SS18L1: variants seen among roughly 807,000 people sequenced by gnomAD.
SS18L1 encodes calcium-responsive transactivator.
Under a neutral mutation model 70.3 loss-of-function variants are expected in SS18L1, and 32 were observed. The ratio of observed to expected loss-of-function variants is 0.46; its 90% CI spans 0.34 to 0.61. The LOEUF is 0.61. Among genes scored for constraint, SS18L1 ranks in the 20% least tolerant of loss-of-function variants. SS18L1 has a pLI of 0.01. For missense variants in SS18L1, 430 were observed against 542.1 expected (o/e 0.79, Z 2.05); for synonymous variants, 237 against 229.7 (o/e 1.03, Z -0.29).
chr20:62,165,638 C>A (rs147311794), intron 8 of SS18L1, 124 bp downstream of exon 8: 3 of 891,300 alleles, frequency 3.4e-6, no homozygotes, highest in Non-Finnish European at 5.2e-6. Context: ...CAGCACAGCG[C>A]GTGGGAGGAG....
Position 62,161,653 on chromosome 20 carries a change from A to C in SS18L1, c.376+73A>C, listed in dbSNP as rs2057332645. On this transcript the variant is annotated intron_variant, in intron 4 of 10. Transcript: ENST00000331758. This position sits in a 1 kb window ranked among gnomAD's most constrained non-coding sequence, Gnocchi z 4.4. Reference sequence around the variant, plus strand: ...GGCAGCCCTTGGGCAGCCGGCTGCCATGGTGGGGCACCCCACCCCTCACAG... The same window carrying C: ...GGCAGCCCTTGGGCAGCCGGCTGCCCTGGTGGGGCACCCCACCCCTCACAG... 2 of 1,538,880 alleles carry C rather than the reference A, an allele frequency of 1.3e-6. No individual in the cohort carries two copies. The highest frequency in any genetic ancestry group is 1.8e-6 in the Non-Finnish European group (2 of 1,137,438).
intron 8 of SS18L1, among the ~76,000 whole-genome samples, chr20:62,168,865 G>A (rs1471533258): frequency 2.0e-5 from 3 of 152,228 alleles, no homozygotes; most frequent in African/African-American, 7.2e-5. Flanking sequence ...CAGGATGAGT[G>A]GGACAGGCTG....
chr20:62,173,038 C>A (rs2057560956), intron 9 of SS18L1, among the ~76,000 whole-genome samples: 1 of 152,236 alleles, frequency 6.6e-6, no homozygotes, highest in Non-Finnish European at 1.5e-5. Context: ...ATTTTGAATA[C>A]CTTTAGGTTT....
chr20:62,151,860 G>A (rs2427265), intron 1 of SS18L1, among the ~76,000 whole-genome samples: 9,508 of 105,206 alleles, frequency 0.09, 1,336 homozygotes, highest in African/African-American at 0.34. Flanking sequence ...CTCTTTTCCC[G>A]CTCCCCAGAG....
At chr20:62,145,560 C>T (rs556581228) in intron 1 of SS18L1, among the ~76,000 whole-genome samples, 2 of 152,344 alleles carry the variant, frequency 1.3e-5, no homozygotes, top group African/African-American at 4.8e-5. Flanking sequence ...ATTATTTGCA[C>T]TTCGCACACA....
intron 5 of SS18L1, 43 bp downstream of exon 5, chr20:62,162,974 C>T (rs765555783): frequency 2.5e-6 from 4 of 1,595,898 alleles, no homozygotes; most frequent in Non-Finnish European, 3.4e-6. Context: ...CTGGGCCTGC[C>T]TCCAAGACCC....
rs780839794 is a variant in SS18L1, at chr20:62,165,515, G to T, written c.916+1G>T. On this transcript the variant is annotated splice_donor_variant, in intron 8 of 10. Transcript: ENST00000331758. LOFTEE classifies it high-confidence loss of function. ...TCCACGCAGCACTACTATGAGGGGG[G>T]TAAGGAGCACGGCTGCGTGCTGGGC... is the stretch of plus-strand genomic sequence containing the variant. The T allele has an allele frequency of 1.2e-6, 2 of 1,610,802 alleles. No homozygotes were observed. The highest frequency in any genetic ancestry group is 8.5e-7 in the Non-Finnish European group (1 of 1,178,880).
rs1250191968 is a variant in SS18L1, at chr20:62,179,300, G to C, written c.*92G>C. 4 of 1,469,084 alleles carry C rather than the reference G, an allele frequency of 2.7e-6. No individual in the cohort carries two copies. Among genetic ancestry groups the C allele is most frequent in the Admixed American group, 1.7e-5 (1 of 59,194 alleles). The allele number at this position is 1,469,084 out of a possible 1,614,324, so 91.0% of individuals were successfully genotyped here. On this transcript the variant is annotated 3_prime_UTR_variant, in exon 11 of 11. Coordinates refer to ENST00000331758, the MANE Select transcript of SS18L1 (RefSeq NM_198935.3). Reference sequence around the variant, plus strand: ...CAGCTCTGGTGAATTGTGACATGTTGGTTACCTGTTCGCCCAGTGCCACGT... The same window carrying C: ...CAGCTCTGGTGAATTGTGACATGTTCGTTACCTGTTCGCCCAGTGCCACGT...
Position 62,155,477 on chromosome 20 carries a change from G to C in SS18L1, c.70-3195G>C, listed in dbSNP as rs971824487. Among the ~76,000 whole-genome samples the C allele has an allele frequency of 2.6e-5, 4 of 152,366 alleles. 1 individual carries two copies. Among genetic ancestry groups the C allele is most frequent in the Admixed American group, 2.6e-4 (4 of 15,300 alleles). On this transcript the variant is annotated intron_variant, in intron 1 of 10. Coordinates refer to ENST00000331758, the MANE Select transcript of SS18L1 (RefSeq NM_198935.3). ...CCTTCATCTTTGGATTTTGGCCTCT[G>C]TGGCTGGTTTTGGCCTTTGTCTTTC...
intron 1 of SS18L1, among the ~76,000 whole-genome samples, chr20:62,150,338 C>CGAT (rs147862159): frequency 0.013 from 1,946 of 152,318 alleles, 48 homozygotes; most frequent in African/African-American, 0.044. Context: ...GATGGGTCAG[C>CGAT]GATGTCTGCC....
At position 62,181,909 on chromosome 20, in the gene SS18L1, C is replaced by T. The variant is rs1204008711; in HGVS notation, c.*2701C>T. ...GAAGACATGAAAATTGACGCTCATT[C>T]TTCTTCCTATTGTTCCCTGACATCC... On this transcript the variant is annotated 3_prime_UTR_variant, in exon 11 of 11. Coordinates refer to ENST00000331758, the MANE Select transcript of SS18L1 (RefSeq NM_198935.3). 1 of 228,630 alleles carries T rather than the reference C, an allele frequency of 4.4e-6. No individual in the cohort carries two copies. Among genetic ancestry groups the T allele is most frequent in the Non-Finnish European group, 8.7e-6 (1 of 115,222 alleles). The allele number at this position is 228,630 out of a possible 1,614,324, so 14.2% of individuals were successfully genotyped here.
chr20:62,154,506 C>T (rs1426108536), intron 1 of SS18L1: 1 of 1,018,874 alleles, frequency 9.8e-7, no homozygotes, highest in Non-Finnish European at 1.2e-6. Context: ...CAGGCCAGGC[C>T]ATCGGCCCCC....
At chr20:62,157,355 G>A (rs966809606) in intron 1 of SS18L1, among the ~76,000 whole-genome samples, 11 of 152,244 alleles carry the variant, frequency 7.2e-5, no homozygotes, top group Non-Finnish European at 1.5e-4. Flanking sequence ...TTCAGGAGGC[G>A]CTTTGGGAAG....
At chr20:62,157,894 T>A (rs1001192831) in intron 1 of SS18L1, among the ~76,000 whole-genome samples, 1 of 146,140 alleles carries the variant, frequency 6.8e-6, no homozygotes, top group Non-Finnish European at 1.5e-5. Context: ...GTGTGTGGTT[T>A]CTTCTACCGG....
Position 62,172,782 on chromosome 20 carries a change from C to T in SS18L1, c.1017C>T (p.Pro339=), listed in dbSNP as rs767019226. The change falls in exon 9 of 11, where the codon CCC becomes CCT. Residue 339 remains proline (P), a synonymous_variant. Coordinates refer to ENST00000331758, the MANE Select transcript of SS18L1 (RefSeq NM_198935.3). ...QQQYPSQQSY[P]GQQQGYGSAQ... ...AGTACCCCAGCCAGCAGAGCTACCC[C>T]GGGCAGCAGCAGGGCTACGGTAAGA... The T allele has an allele frequency of 5.0e-6, 8 of 1,613,334 alleles. No homozygotes were observed. The East Asian group carries it at 8.9e-5, about 18-fold the overall frequency.
At chr20:62,172,203 T>C in intron 8 of SS18L1, among the ~76,000 whole-genome samples, 1 of 151,660 alleles carries the variant, frequency 6.6e-6, no homozygotes. Context: ...TGGCACACAC[T>C]GTAGTCCTAG....
intron 1 of SS18L1, among the ~76,000 whole-genome samples, chr20:62,147,590 C>T (rs779089092): frequency 1.3e-5 from 2 of 152,076 alleles, no homozygotes; most frequent in Non-Finnish European, 2.9e-5. Context: ...TTTCCTTGGC[C>T]GGATAATAGC....
Position 62,163,508 on chromosome 20 carries a change from G to A in SS18L1, c.607G>A (p.Gly203Ser). 1 of 1,612,140 alleles carries A rather than the reference G, an allele frequency of 6.2e-7. No homozygotes were observed. Among genetic ancestry groups the A allele is most frequent in the Non-Finnish European group, 8.5e-7 (1 of 1,179,856 alleles). The change falls in exon 6 of 11, where the codon GGC becomes AGC. Residue 203 changes from glycine (G) to serine (S), a missense_variant. By Grantham distance (56) the Gly-to-Ser change is moderately conservative. Coordinates refer to ENST00000331758, the MANE Select transcript of SS18L1 (RefSeq NM_198935.3). ...CACGTCGCACTACAGCTCGGCGCAG[G>A]GCGGCAGCCAGCACTACCAGGGCCA... is the stretch of plus-strand genomic sequence containing the variant. ...AATSHYSSAQ[G>S]GSQHYQGQSS...
intron 10 of SS18L1, among the ~76,000 whole-genome samples, chr20:62,178,901 A>G (rs1414754131): frequency 1.3e-5 from 2 of 152,208 alleles, no homozygotes; most frequent in Non-Finnish European, 2.9e-5. Flanking sequence ...GCCTTCCTGC[A>G]TAGCAGGCCC....
Sources: allele counts gnomAD v4.1 joint callset (sites outside exome capture counted in the v4.1 genomes callset), GRCh38; gene constraint gnomAD v4.1.1; non-coding constraint Gnocchi (gnomAD v3.1); transcripts MANE v1.5; gene names NCBI Gene and HGNC (gene_info 2026-07-23, HGNC 2026-07-21).